Variants in SLC35F4 observed in about 807,000 individuals in gnomAD.
SLC35F4 encodes the protein solute carrier family 35 member F4.
SLC35F4 carries 24 observed loss-of-function variants against 44.2 expected under a neutral mutation model. That is an observed-to-expected ratio of 0.54 (90% CI 0.39 to 0.76). The LOEUF is 0.76. SLC35F4 is among the 30% of genes least tolerant of loss of function. The pLI is 0.00. For synonymous variants in SLC35F4, 238 were observed against 223.6 expected, an observed-to-expected ratio of 1.06 and a Z score of -0.57; for missense variants, 562 against 586.1, an observed-to-expected ratio of 0.96 and a Z score of 0.42.
At chr14:57,591,592 T>C (rs997801804) in intron 2 of SLC35F4, among the ~76,000 whole-genome samples, 5 of 152,212 alleles carry the variant, frequency 3.3e-5, no homozygotes, top group Non-Finnish European at 7.3e-5. Context: ...TGTTAAGGGT[T>C]GTCCAAGATT....
intron 1 of SLC35F4, among the ~76,000 whole-genome samples, chr14:57,963,384 C>G (rs893048152): frequency 2.0e-5 from 3 of 152,160 alleles, no homozygotes; most frequent in Admixed American, 1.3e-4. Flanking sequence ...GGGCAAAGGA[C>G]AGGACGTGTC....
At chr14:57,834,200 G>T (rs1341767280) in intron 1 of SLC35F4, among the ~76,000 whole-genome samples, 2 of 152,128 alleles carry the variant, frequency 1.3e-5, no homozygotes, top group Admixed American at 1.3e-4. Flanking sequence ...AACACCAAAA[G>T]GACTGAGTTG....
rs74994950 is a variant in SLC35F4, at chr14:57,803,006, A to AAAAAAAAAAAAAAAAAAAG, written c.103+62716_103+62717insCTTTTTTTTTTTTTTTTTT. Among the ~76,000 whole-genome samples, 3 of 136,252 alleles carry AAAAAAAAAAAAAAAAAAAG rather than the reference A, an allele frequency of 2.2e-5. 1 individual carries two copies. Among genetic ancestry groups the AAAAAAAAAAAAAAAAAAAG allele is most frequent in the African/African-American group, 6.3e-5 (2 of 31,978 alleles). The allele number at this position is 136,252 out of a possible 152,430, so 89.4% of individuals were successfully genotyped here. On this transcript the variant is annotated intron_variant, in intron 1 of 7. Coordinates refer to ENST00000556826, the MANE Select transcript of SLC35F4 (RefSeq NM_001306087.2). ...ATACCAAAAAAAAAAAAAAAAAAAA[A>AAAAAAAAAAAAAAAAAAAG]GAAATTGCAGGCCAATATCCTTGAT...
intron 1 of SLC35F4, among the ~76,000 whole-genome samples, chr14:57,850,323 A>G (rs1886441946): frequency 6.6e-6 from 1 of 152,242 alleles, no homozygotes; most frequent in Non-Finnish European, 1.5e-5. Flanking sequence ...AAATACTGTC[A>G]GTAATCCTAC....
intron 1 of SLC35F4, among the ~76,000 whole-genome samples, chr14:57,754,841 C>A (rs1304908672): frequency 6.6e-6 from 1 of 152,230 alleles, no homozygotes; most frequent in African/African-American, 2.4e-5. Context: ...AGCAACCTGA[C>A]TGATCAGCAG....
intron 1 of SLC35F4, among the ~76,000 whole-genome samples, chr14:57,733,056 C>T (rs897035276): frequency 3.3e-5 from 5 of 152,028 alleles, no homozygotes; most frequent in Non-Finnish European, 7.4e-5. Context: ...CCTCCAGATT[C>T]CTAGAACACA....
At chr14:57,635,645 G>C (rs989199229) in intron 1 of SLC35F4, among the ~76,000 whole-genome samples, 1 of 152,040 alleles carries the variant, frequency 6.6e-6, no homozygotes, top group Non-Finnish European at 1.5e-5. Context: ...CAGTAAAGGA[G>C]ACAGATGCTT....
At chr14:57,978,029 C>A (rs955795734) in intron 1 of SLC35F4, among the ~76,000 whole-genome samples, 4 of 152,140 alleles carry the variant, frequency 2.6e-5, no homozygotes, top group African/African-American at 9.7e-5. Flanking sequence ...GGAGAAAGGG[C>A]ATGTGAATAA....
At chr14:57,831,029 A>G (rs1002471558) in intron 1 of SLC35F4, among the ~76,000 whole-genome samples, 14 of 152,160 alleles carry the variant, frequency 9.2e-5, no homozygotes, top group African/African-American at 3.4e-4. Flanking sequence ...CATGGTATGC[A>G]TGCTCTGTCA....
chr14:57,740,203 T>C (rs1371311694), intron 1 of SLC35F4, among the ~76,000 whole-genome samples: 1 of 152,156 alleles, frequency 6.6e-6, no homozygotes, highest in South Asian at 2.1e-4. Flanking sequence ...GACTACTGTA[T>C]CTAATTGAAA....
chr14:57,691,425 G>T (rs2075228615), intron 1 of SLC35F4, among the ~76,000 whole-genome samples: 1 of 152,126 alleles, frequency 6.6e-6, no homozygotes, highest in African/African-American at 2.4e-5. Context: ...TCCAAAACTG[G>T]TATCAGGGCA....
chr14:57,975,884 T>C (rs887523332), downstream of SLC35F4, among the ~76,000 whole-genome samples: 1 of 152,348 alleles, frequency 6.6e-6, no homozygotes, highest in Non-Finnish European at 1.5e-5. Context: ...GCAAGGTGAA[T>C]GTCATTATCA....
At chr14:57,877,033 G>T (rs1009622596) in intron 1 of SLC35F4, among the ~76,000 whole-genome samples, 1 of 151,878 alleles carries the variant, frequency 6.6e-6, no homozygotes, top group Non-Finnish European at 1.5e-5. Context: ...TGGTTCAGTG[G>T]GTACATGTGC....
At chr14:57,709,371 G>A (rs1477493888) in intron 1 of SLC35F4, among the ~76,000 whole-genome samples, 1 of 152,022 alleles carries the variant, frequency 6.6e-6, no homozygotes, top group African/African-American at 2.4e-5. Flanking sequence ...TTCTCACTAT[G>A]TCCCCTCAGC....
At chr14:57,737,933 T>G (rs62003376) in intron 1 of SLC35F4, among the ~76,000 whole-genome samples, 5,246 of 152,258 alleles carry the variant, frequency 0.034, 127 homozygotes, top group South Asian at 0.06. Context: ...GTAGGGAAGA[T>G]TCAGCAAGTA....
intron 1 of SLC35F4, among the ~76,000 whole-genome samples, chr14:57,624,012 G>A (rs533076248): frequency 6.6e-6 from 1 of 152,272 alleles, no homozygotes; most frequent in African/African-American, 2.4e-5. Context: ...GAATCCAGGA[G>A]CTGGTTTTTT....
chr14:57,777,506 T>C (rs1322232806), intron 1 of SLC35F4, among the ~76,000 whole-genome samples: 1 of 152,066 alleles, frequency 6.6e-6, no homozygotes, highest in Non-Finnish European at 1.5e-5. Flanking sequence ...GAACCATCAT[T>C]CTAAGCAAAC....
intron 3 of SLC35F4, among the ~76,000 whole-genome samples, chr14:57,582,200 A>C (rs373796473): frequency 7.3e-6 from 1 of 136,460 alleles, no homozygotes; most frequent in Non-Finnish European, 1.6e-5. Context: ...AGGCCTAAAC[A>C]TGATTTTTTT....
intron 1 of SLC35F4, among the ~76,000 whole-genome samples, chr14:57,804,761 T>C (rs1881103285): frequency 6.6e-6 from 1 of 152,186 alleles, no homozygotes; most frequent in South Asian, 2.1e-4. Flanking sequence ...AAAGCAAAAG[T>C]TGACAAATGG....
Sources: allele counts gnomAD v4.1 joint callset (sites outside exome capture counted in the v4.1 genomes callset), GRCh38; gene constraint gnomAD v4.1.1; transcripts MANE v1.5; gene names NCBI Gene and HGNC (gene_info 2026-07-23, HGNC 2026-07-21).